The following GABRG3 variants were observed in gnomAD, a reference collection of about 807,000 sequenced individuals.
The protein encoded by GABRG3 is gamma-aminobutyric acid receptor subunit gamma-3.
GABRG3 carries 25 observed loss-of-function variants against 48.8 expected under a neutral mutation model. The ratio of observed to expected loss-of-function variants is 0.51; its 90% CI spans 0.37 to 0.72. The LOEUF (loss-of-function observed/expected upper bound fraction) is 0.72. GABRG3 is among the 30% of genes least tolerant of loss of function. The pLI is 0.00. For synonymous variants in GABRG3, 227 were observed against 217.6 expected (o/e 1.04, Z -0.38); for missense variants, 394 against 577.9 (o/e 0.68, Z 3.26).
At chr15:27,313,280 A>ATATATATG (rs1893084840) in intron 3 of GABRG3, among the ~76,000 whole-genome samples, 1 of 83,732 alleles carries the variant, frequency 1.2e-5, no homozygotes, top group East Asian at 4.5e-4. Flanking sequence ...ATATATATAT[A>ATATATATG]TATATATATA....
intron 3 of GABRG3, among the ~76,000 whole-genome samples, chr15:27,223,436 A>G (rs1205534115): frequency 6.6e-6 from 1 of 152,150 alleles, no homozygotes; most frequent in Non-Finnish European, 1.5e-5. Context: ...CTCAGATGAG[A>G]CAAATGTAAG....
At chr15:27,355,151 C>T (rs957847601) in intron 5 of GABRG3, among the ~76,000 whole-genome samples, 1 of 152,166 alleles carries the variant, frequency 6.6e-6, no homozygotes, top group Non-Finnish European at 1.5e-5. Flanking sequence ...CTGTTCATGT[C>T]TCAATATGTA....
At chr15:27,411,772 A>T (rs1343579696) in intron 5 of GABRG3, among the ~76,000 whole-genome samples, 1 of 152,104 alleles carries the variant, frequency 6.6e-6, no homozygotes, top group Admixed American at 6.6e-5. Flanking sequence ...ACCATTTAAC[A>T]TGTACTTCAG....
intron 5 of GABRG3, among the ~76,000 whole-genome samples, chr15:27,474,819 T>C (rs1889886351): frequency 6.6e-6 from 1 of 152,058 alleles, no homozygotes; most frequent in Admixed American, 6.6e-5. Context: ...TCCCTACTCT[T>C]GAGAAAAGTG....
At chr15:27,263,201 C>T (rs1566984925) in intron 3 of GABRG3, among the ~76,000 whole-genome samples, 1 of 152,146 alleles carries the variant, frequency 6.6e-6, no homozygotes, top group African/African-American at 2.4e-5. Context: ...AGGGCTTATA[C>T]GGAGAAACAA....
intron 3 of GABRG3, among the ~76,000 whole-genome samples, chr15:27,299,337 A>C (rs1892116118): frequency 6.6e-6 from 1 of 152,210 alleles, no homozygotes; most frequent in Admixed American, 6.5e-5. Context: ...CATGGCCATA[A>C]TGCCTGGAAA....
chr15:27,143,861 C>T (rs1290949533), intron 3 of GABRG3, among the ~76,000 whole-genome samples: 1 of 152,044 alleles, frequency 6.6e-6, no homozygotes, highest in Non-Finnish European at 1.5e-5. Context: ...AATTTGTTGA[C>T]CGTGAGGTTT....
chr15:27,493,140 A>G (rs1890396111), intron 6 of GABRG3, among the ~76,000 whole-genome samples: 1 of 152,220 alleles, frequency 6.6e-6, no homozygotes, highest in Non-Finnish European at 1.5e-5. Flanking sequence ...TCACAGAAAA[A>G]TACGTAGAAG....
intron 3 of GABRG3, among the ~76,000 whole-genome samples, chr15:27,263,149 C>T (rs1281339948): frequency 1.3e-5 from 2 of 152,162 alleles, no homozygotes; most frequent in Non-Finnish European, 2.9e-5. Context: ...GTGACAGTGA[C>T]CGTAAACTTC....
rs888338979 is a variant in GABRG3 at position 27,352,118 on chromosome 15, GTGTA to G, written c.574+23237_574+23240del. On this transcript the variant is annotated intron_variant, in intron 5 of 9. Coordinates refer to ENST00000615808, the MANE Select transcript of GABRG3 (RefSeq NM_033223.5). This position sits in a 1 kb window ranked among gnomAD's most constrained non-coding sequence, Gnocchi z 4.0. Reference sequence around the variant, plus strand: ...TATGATGTGTGTATGTATGGTGTGTGTGTATGTATGATGTGTGTATTGTGTGTTT... The same window carrying G: ...TATGATGTGTGTATGTATGGTGTGTGTGTATGATGTGTGTATTGTGTGTTT... Among the ~76,000 whole-genome samples the G allele has an allele frequency of 6.6e-6, 1 of 150,914 alleles. No individual in the cohort carries two copies. Among genetic ancestry groups the G allele is most frequent in the South Asian group, 2.1e-4 (1 of 4,754 alleles).
At position 26,988,196 on chromosome 15, in the gene GABRG3, T is replaced by A. The variant is rs369980515; in HGVS notation, c.202+11046T>A. On this transcript the variant is annotated intron_variant, in intron 2 of 9. Coordinates refer to ENST00000615808, the MANE Select transcript of GABRG3 (RefSeq NM_033223.5). The stretch of plus-strand genomic sequence containing the variant: ...GGTTTATACTTTTGTTAAAGTCTAC[T>A]TGCTGCTTTTCTATCTATTTCTATT... Among the ~76,000 whole-genome samples the A allele has an allele frequency of 8.5e-5, 13 of 152,310 alleles. No homozygotes were observed. In the East Asian group the frequency reaches 1.5e-3, roughly 18 times the overall value.
intron 9 of GABRG3, chr15:27,531,043 A>AAG: frequency 4.1e-6 from 1 of 246,644 alleles, no homozygotes; most frequent in South Asian, 4.6e-5. Flanking sequence ...ATTAACCTAG[A>AAG]AGAGATGTGT....
chr15:27,084,272 T>C (rs1411384561), intron 3 of GABRG3, among the ~76,000 whole-genome samples: 2 of 152,252 alleles, frequency 1.3e-5, no homozygotes, highest in African/African-American at 2.4e-5. Flanking sequence ...TGTGTCTCTC[T>C]TAGACCTTTG....
At chr15:27,440,500 C>T (rs1305204152) in intron 5 of GABRG3, among the ~76,000 whole-genome samples, 2 of 152,166 alleles carry the variant, frequency 1.3e-5, no homozygotes, top group African/African-American at 2.4e-5. Flanking sequence ...TGATGCCATC[C>T]GGAATATCAA....
At chr15:26,987,461 A>G (rs1186751568) in intron 2 of GABRG3, among the ~76,000 whole-genome samples, 4 of 152,236 alleles carry the variant, frequency 2.6e-5, no homozygotes, top group Non-Finnish European at 5.9e-5. Context: ...TACTGTGCCT[A>G]TACTGATCAG....
intron 3 of GABRG3, among the ~76,000 whole-genome samples, chr15:27,189,121 G>C (rs1268103232): frequency 6.6e-6 from 1 of 151,854 alleles, no homozygotes; most frequent in African/African-American, 2.4e-5. Context: ...TGCTGTTTTG[G>C]TTACTGTAGC....
chr15:27,257,815 T>C (rs981704825), intron 3 of GABRG3, among the ~76,000 whole-genome samples: 1 of 104,100 alleles, frequency 9.6e-6, no homozygotes, highest in African/African-American at 7.2e-5. Context: ...CACGTGGCTA[T>C]TTTTTTTTTT....
intron 2 of GABRG3, among the ~76,000 whole-genome samples, chr15:27,015,785 A>G (rs959639834): frequency 2.0e-5 from 3 of 152,190 alleles, no homozygotes; most frequent in African/African-American, 2.4e-5. Flanking sequence ...TACATGAAAT[A>G]TAACAATCTC....
At chr15:27,225,566 T>A (rs2140443623) in intron 3 of GABRG3, among the ~76,000 whole-genome samples, 1 of 152,186 alleles carries the variant, frequency 6.6e-6, no homozygotes, top group Non-Finnish European at 1.5e-5. Flanking sequence ...GGCATTTGGG[T>A]TGTTCATTCC....
Sources: gnomAD v4.1 joint callset for allele counts (sites outside exome capture counted in the v4.1 genomes callset) on GRCh38, gnomAD v4.1.1 for gene constraint, Gnocchi (gnomAD v3.1) non-coding constraint, MANE v1.5 for transcripts, NCBI Gene and HGNC (gene_info 2026-07-23, HGNC 2026-07-21) for gene names.